The following LAMA2 variants were observed in gnomAD, a reference collection of about 807,000 sequenced individuals.
LAMA2 encodes the protein laminin subunit alpha 2.
Under a neutral mutation model 364.8 loss-of-function variants are expected in LAMA2, and 269 were observed. That is an observed-to-expected ratio of 0.74 (90% confidence interval 0.67 to 0.82). The LOEUF is 0.82. Among genes scored for constraint, LAMA2 ranks in the 40% least tolerant of loss-of-function variants. The pLI is 0.00. For missense variants in LAMA2, 3,807 were observed against 3,873.2 expected, an observed-to-expected ratio of 0.98 and a Z score of 0.45; for synonymous variants, 1,379 against 1,370.6, an observed-to-expected ratio of 1.01 and a Z score of -0.14.
rs187501766 is a variant in LAMA2 at position 129,466,426 on chromosome 6, G to A, written c.7300+1137G>A. ...AGTAGTGAAAGTTGTGTGAAAGCCT[G>A]GAGTCATCAGAGAGAATAACACATC... On this transcript the variant is annotated intron_variant, in intron 51 of 64. Transcript: ENST00000421865. Among the ~76,000 whole-genome samples the A allele has an allele frequency of 1.5e-3, 231 of 151,996 alleles. 1 individual carries two copies. The highest frequency in any genetic ancestry group is 5.4e-3 in the African/African-American group (223 of 41,514).
chr6:129,271,234 A>G (rs73585540), intron 17 of LAMA2, among the ~76,000 whole-genome samples: 4,707 of 152,120 alleles, frequency 0.031, 236 homozygotes, highest in African/African-American at 0.11. Flanking sequence ...TACCCATTCT[A>G]TCCCTTCTTT....
chr6:129,422,496 A>T (rs1781126113), intron 40 of LAMA2, among the ~76,000 whole-genome samples: 1 of 152,106 alleles, frequency 6.6e-6, no homozygotes, highest in African/African-American at 2.4e-5. Context: ...AAAGTCACCA[A>T]CTACCAATAT....
intron 1 of LAMA2, among the ~76,000 whole-genome samples, chr6:128,965,979 G>GTGTTTTTT (rs1781812833): frequency 1.8e-5 from 2 of 112,796 alleles, no homozygotes; most frequent in African/African-American, 6.8e-5. Context: ...TAAACCAGAG[G>GTGTTTTTT]TTTTTTTTTT....
Position 129,320,657 on chromosome 6 carries a change from TA to T in LAMA2, c.4176+4del. The T allele has an allele frequency of 6.5e-7, 1 of 1,538,620 alleles. No individual in the cohort carries two copies. Among genetic ancestry groups the T allele is most frequent in the Non-Finnish European group, 9.0e-7 (1 of 1,111,110 alleles). The stretch of plus-strand genomic sequence containing the variant: ...GGCTATTCTGGCCTGTCCTGTGAGG[TA>T]AGCTACCTCCTACTAACCTGCTTAA... On this transcript the variant is annotated splice_donor_region_variant and intron_variant, in intron 28 of 64. Coordinates refer to ENST00000421865, the MANE Select transcript of LAMA2 (RefSeq NM_000426.4).
In LAMA2 at chr6:128,923,681, C is replaced by G. The variant is rs369855231; in HGVS notation, c.112+40324C>G. ...ATCACTGCTAATTCCTATAAGAACA[C>G]AATTACTCAATCACTAATCTGCTGT... On this transcript the variant is annotated intron_variant, in intron 1 of 64. Transcript: ENST00000421865. 1.1e-4 allele frequency among the ~76,000 whole-genome samples: 17 copies of G among 152,090 alleles called. No homozygotes were observed. In the East Asian group the frequency reaches 1.5e-3, roughly 14 times the overall value.
chr6:129,126,972 T>C (rs1777155084), intron 4 of LAMA2, among the ~76,000 whole-genome samples: 1 of 152,126 alleles, frequency 6.6e-6, no homozygotes, highest in Admixed American at 6.6e-5. Context: ...GAGGTTGAGC[T>C]GGGAGGATTG....
At chr6:129,087,295 C>G (rs1008574283) in intron 3 of LAMA2, among the ~76,000 whole-genome samples, 2 of 152,060 alleles carry the variant, frequency 1.3e-5, no homozygotes, top group African/African-American at 4.8e-5. Context: ...AATAAAGTGC[C>G]TGGCAAAAAG....
In LAMA2 at chr6:129,383,361, G is replaced by T. The variant is rs549074482; in HGVS notation, c.5071+128G>T. On this transcript the variant is annotated intron_variant, in intron 35 of 64. Coordinates refer to ENST00000421865, the MANE Select transcript of LAMA2 (RefSeq NM_000426.4). ...AAAATCAAAGGTAGAGTTTCAAAAA[G>T]TAGTGTGGTTAAGATATTCAAGGGT... is the stretch of plus-strand genomic sequence containing the variant. 33 of 792,410 alleles carry T rather than the reference G, an allele frequency of 4.2e-5. No individual in the cohort carries two copies. In the African/African-American group the frequency reaches 5.6e-4, roughly 13 times the overall value. 49.1% of individuals were successfully genotyped at this position (792,410 alleles called of 1,614,324 possible).
intron 41 of LAMA2, among the ~76,000 whole-genome samples, chr6:129,430,583 A>G (rs982186279): frequency 3.3e-5 from 5 of 152,244 alleles, no homozygotes; most frequent in Admixed American, 3.3e-4. Flanking sequence ...GTTGATGGAT[A>G]TGAGGCTTGG....
chr6:129,250,450 T>C (rs150405152), intron 13 of LAMA2, among the ~76,000 whole-genome samples: 61 of 152,332 alleles, frequency 4.0e-4, no homozygotes, highest in African/African-American at 1.3e-3. Context: ...TGAAATTAAA[T>C]TTCAAACATA....
At chr6:129,445,628 T>C (rs1219723097) in intron 44 of LAMA2, 39 bp from the exon 45 acceptor site, 3 of 1,572,798 alleles carry the variant, frequency 1.9e-6, no homozygotes, top group Admixed American at 3.3e-5. Flanking sequence ...TGCACGTGTG[T>C]GCATGCATAT....
At chr6:129,298,501 C>T (rs967129019) in intron 21 of LAMA2, among the ~76,000 whole-genome samples, 1 of 152,204 alleles carries the variant, frequency 6.6e-6, no homozygotes, top group Non-Finnish European at 1.5e-5. Flanking sequence ...TATCACTTAG[C>T]ATTCTGCAGA....
chr6:129,033,999 T>C (rs1786424797), intron 1 of LAMA2, among the ~76,000 whole-genome samples: 1 of 151,962 alleles, frequency 6.6e-6, no homozygotes, highest in Non-Finnish European at 1.5e-5. Flanking sequence ...GACTCTAATT[T>C]TAAATGGGTG....
chr6:129,358,217 A>G (rs1039174123), intron 32 of LAMA2, among the ~76,000 whole-genome samples: 2 of 151,994 alleles, frequency 1.3e-5, no homozygotes, highest in African/African-American at 4.8e-5. Flanking sequence ...GGTCCAGGCT[A>G]ACAATGTGTG....
chr6:129,348,517 T>C (rs1001631290), intron 30 of LAMA2, among the ~76,000 whole-genome samples: 1 of 152,076 alleles, frequency 6.6e-6, no homozygotes, highest in Admixed American at 6.6e-5. Context: ...CAAAACTACA[T>C]GCTAATATAG....
At chr6:128,977,694 G>C (rs1337380711) in intron 1 of LAMA2, among the ~76,000 whole-genome samples, 2 of 152,156 alleles carry the variant, frequency 1.3e-5, no homozygotes, top group Non-Finnish European at 2.9e-5. Context: ...TATTTCACCT[G>C]AATCAGGTTT....
intron 12 of LAMA2, among the ~76,000 whole-genome samples, chr6:129,203,796 T>G (rs1782448247): frequency 6.6e-6 from 1 of 152,222 alleles, no homozygotes; most frequent in African/African-American, 2.4e-5. Flanking sequence ...GGATCTCTGC[T>G]TTATTAGCTT....
intron 1 of LAMA2, among the ~76,000 whole-genome samples, chr6:128,918,057 T>C (rs1025562079): frequency 2.6e-5 from 4 of 152,106 alleles, no homozygotes; most frequent in South Asian, 2.1e-4. Flanking sequence ...TTCTTGTTTC[T>C]TCTATTTATT....
intron 3 of LAMA2, among the ~76,000 whole-genome samples, chr6:129,081,017 G>A (rs750655552): frequency 3.6e-4 from 55 of 152,154 alleles, no homozygotes; most frequent in Non-Finnish European, 7.2e-4. Context: ...TGATAGACTG[G>A]TTTAAGAAAA....
Sources: gnomAD v4.1 joint callset for allele counts (sites outside exome capture counted in the v4.1 genomes callset) on GRCh38, gnomAD v4.1.1 for gene constraint, MANE v1.5 for transcripts, NCBI Gene and HGNC (gene_info 2026-07-23, HGNC 2026-07-21) for gene names.